Variants in CEP128 observed in about 807,000 individuals in gnomAD.
CEP128 encodes centrosomal protein 128.
Under a neutral mutation model 156.7 loss-of-function variants are expected in CEP128, and 132 were observed. That is an observed-to-expected ratio of 0.84 (90% confidence interval 0.73 to 0.97). The LOEUF (loss-of-function observed/expected upper bound fraction) is 0.97, where lower values mean the gene tolerates loss of function less well. Ranked by LOEUF, CEP128 falls within the 50% of genes least tolerant of loss-of-function variation. CEP128 has a pLI of 0.00. For synonymous variants in CEP128, 469 were observed against 448.9 expected (o/e 1.04, Z -0.57); for missense variants, 1,252 against 1,281.9 (o/e 0.98, Z 0.36).
chr14:80,823,126 A>G (rs2077229895), intron 13 of CEP128, among the ~76,000 whole-genome samples: 1 of 152,148 alleles, frequency 6.6e-6, no homozygotes, highest in African/African-American at 2.4e-5. Flanking sequence ...ATTCATTTCT[A>G]TGTCCTCTTC....
At chr14:80,768,148 A>G (rs1900333780) in intron 16 of CEP128, among the ~76,000 whole-genome samples, 3 of 152,220 alleles carry the variant, frequency 2.0e-5, no homozygotes, top group Admixed American at 2.0e-4. Flanking sequence ...AAAAATTTTA[A>G]TCTCTGAACT....
At chr14:80,528,435 T>C (rs915466359) in intron 22 of CEP128, among the ~76,000 whole-genome samples, 12 of 152,200 alleles carry the variant, frequency 7.9e-5, no homozygotes, top group African/African-American at 2.9e-4. Flanking sequence ...ATTACAGGCA[T>C]GTGCCATCAC....
chr14:80,654,130 T>C (rs1239580604), intron 19 of CEP128, among the ~76,000 whole-genome samples: 1 of 152,164 alleles, frequency 6.6e-6, no homozygotes, highest in Non-Finnish European at 1.5e-5. Context: ...GAGGAAGAGA[T>C]AGGCATTTGT....
chr14:80,559,133 T>C, intron 21 of CEP128, 146 bp downstream of exon 21: 1 of 710,796 alleles, frequency 1.4e-6, no homozygotes. Context: ...ACCTTTTAGA[T>C]ACAGTTTAGC....
At chr14:80,817,165 C>T (rs924130246) in intron 13 of CEP128, among the ~76,000 whole-genome samples, 1 of 152,110 alleles carries the variant, frequency 6.6e-6, no homozygotes, top group African/African-American at 2.4e-5. Context: ...TCAGTGGCTA[C>T]ACACTGCAGG....
intron 18 of CEP128, among the ~76,000 whole-genome samples, chr14:80,756,036 A>G (rs1393248140): frequency 2.0e-5 from 3 of 152,196 alleles, no homozygotes; most frequent in African/African-American, 7.2e-5. Flanking sequence ...AGAAATGATA[A>G]AGATTTTAAC....
At chr14:80,538,662 C>T (rs914823269) in intron 21 of CEP128, among the ~76,000 whole-genome samples, 6 of 152,318 alleles carry the variant, frequency 3.9e-5, no homozygotes, top group Non-Finnish European at 4.4e-5. Context: ...CATTAATACA[C>T]GTTCCCTCAC....
chr14:80,597,965 A>C (rs78161397), intron 19 of CEP128, among the ~76,000 whole-genome samples: 1 of 149,822 alleles, frequency 6.7e-6, no homozygotes, highest in African/African-American at 2.4e-5. Flanking sequence ...AAAAAAAAAA[A>C]AAAAACAAAA....
intron 13 of CEP128, among the ~76,000 whole-genome samples, chr14:80,826,640 C>G (rs1455136854): frequency 6.6e-6 from 1 of 151,924 alleles, no homozygotes; most frequent in African/African-American, 2.4e-5. Context: ...TTATACCATC[C>G]TCTTTTAAAA....
intron 8 of CEP128, among the ~76,000 whole-genome samples, chr14:80,891,515 A>C (rs1313910535): frequency 1.3e-5 from 2 of 151,766 alleles, no homozygotes; most frequent in Admixed American, 6.6e-5. Context: ...CAGAGAGTAC[A>C]AGGATTGATT....
rs919658885 is a variant in CEP128 at position 80,582,378 on chromosome 14, T to A, written c.2807-1955A>T. ...AGAAATTATTAGAAGGATATAGAGA[T>A]AACTAATAGATGCACTGGAAAAGAG... is the stretch of plus-strand genomic sequence containing the variant. On this transcript the variant is annotated intron_variant, in intron 19 of 24. Transcript: ENST00000555265. Among the ~76,000 whole-genome samples, 6 of 151,772 alleles carry A rather than the reference T, an allele frequency of 4.0e-5. No individual in the cohort carries two copies. In the South Asian group the frequency reaches 1.2e-3, roughly 32 times the overall value.
At chr14:80,600,801 T>TA (rs1892548588) in intron 19 of CEP128, among the ~76,000 whole-genome samples, 1 of 152,126 alleles carries the variant, frequency 6.6e-6, no homozygotes, top group Non-Finnish European at 1.5e-5. Flanking sequence ...TTTAAAGCAA[T>TA]AATTATAAGT....
rs71103883 is a variant in CEP128, at chr14:80,810,323, CAAAAAAA to C, written c.1210-17220_1210-17214del. ...GGGCGACAGAGCAAGACTCCATCTC[CAAAAAAA>C]AAAAAAAAAAAAAAAAAAGAATATA... On this transcript the variant is annotated intron_variant, in intron 13 of 24. Coordinates refer to ENST00000555265, the MANE Select transcript of CEP128 (RefSeq NM_152446.5). Among the ~76,000 whole-genome samples, 24 of 15,208 alleles carry C rather than the reference CAAAAAAA, an allele frequency of 1.6e-3. 1 individual carries two copies. In the East Asian group the frequency reaches 0.022, roughly 14 times the overall value. The allele number at this position is 15,208 out of a possible 152,430, so 10.0% of individuals were successfully genotyped here. A position where few individuals can be genotyped will look rare whatever the true frequency, so the allele number is the denominator to read the frequency against.
intron 19 of CEP128, among the ~76,000 whole-genome samples, chr14:80,593,846 T>G (rs575744802): frequency 1.3e-5 from 2 of 152,140 alleles, no homozygotes; most frequent in African/African-American, 4.8e-5. Context: ...TGGAAAAACA[T>G]TCCATGCTCA....
At chr14:80,564,034 AGT>A (rs1411306951) in intron 20 of CEP128, among the ~76,000 whole-genome samples, 1 of 152,194 alleles carries the variant, frequency 6.6e-6, no homozygotes, top group Non-Finnish European at 1.5e-5. Context: ...TAAAATTCTA[AGT>A]GGGAGTGAAG....
upstream of CEP128, among the ~76,000 whole-genome samples, chr14:80,944,364 C>T (rs577361598): frequency 2.0e-5 from 3 of 152,252 alleles, no homozygotes; most frequent in South Asian, 4.1e-4. Context: ...ACGCTGTTCT[C>T]ATGATAGTGA....
intron 21 of CEP128, among the ~76,000 whole-genome samples, chr14:80,558,198 T>G (rs1530769): frequency 0.57 from 86,269 of 151,850 alleles, 24,852 homozygotes; most frequent in East Asian, 0.72. Flanking sequence ...ATTTTTCCAT[T>G]TAATATTATA....
At chr14:80,665,307 T>G (rs1342165360) in intron 19 of CEP128, among the ~76,000 whole-genome samples, 1 of 151,886 alleles carries the variant, frequency 6.6e-6, no homozygotes, top group Non-Finnish European at 1.5e-5. Flanking sequence ...CCCCCTAGGC[T>G]AAAGCAAAAC....
At chr14:80,554,957 A>C (rs772865194) in intron 21 of CEP128, among the ~76,000 whole-genome samples, 1 of 152,114 alleles carries the variant, frequency 6.6e-6, no homozygotes, top group African/African-American at 2.4e-5. Flanking sequence ...CCTTCCCAAC[A>C]GAATGTTTCA....
Sources: gnomAD v4.1 joint callset for allele counts (sites outside exome capture counted in the v4.1 genomes callset) on GRCh38, gnomAD v4.1.1 for gene constraint, MANE v1.5 for transcripts, NCBI Gene and HGNC (gene_info 2026-07-23, HGNC 2026-07-21) for gene names.